Variants in PPP2R5A observed in about 807,000 individuals in gnomAD.
PPP2R5A encodes serine/threonine-protein phosphatase 2A 56 kDa regulatory subunit alpha isoform.
A neutral mutation model predicts 64.2 loss-of-function variants in PPP2R5A; 25 were observed. The observed-to-expected ratio is 0.39, with a 90% CI of 0.28 to 0.54. The LOEUF (loss-of-function observed/expected upper bound fraction) is 0.54. Ranked by LOEUF, PPP2R5A falls within the 20% of genes least tolerant of loss-of-function variation. The pLI is 0.67. For synonymous variants in PPP2R5A, 198 were observed against 201.2 expected, an observed-to-expected ratio of 0.98 and a Z score of 0.13; for missense variants, 425 against 576.3, an observed-to-expected ratio of 0.74 and a Z score of 2.69.
intron 1 of PPP2R5A, among the ~76,000 whole-genome samples, chr1:212,316,070 A>C (rs1362234193): frequency 6.6e-6 from 1 of 152,176 alleles, no homozygotes; most frequent in Non-Finnish European, 1.5e-5. Flanking sequence ...CTATTCCCTG[A>C]GACACAACAA....
At chr1:212,335,589 C>T (rs969120936) in intron 3 of PPP2R5A, among the ~76,000 whole-genome samples, 7 of 152,092 alleles carry the variant, frequency 4.6e-5, no homozygotes, top group Admixed American at 2.6e-4. Context: ...CTGTGTAGCA[C>T]CTATACATCC....
intron 2 of PPP2R5A, among the ~76,000 whole-genome samples, chr1:212,332,561 G>A (rs1236790313): frequency 6.6e-6 from 1 of 152,120 alleles, no homozygotes; most frequent in African/African-American, 2.4e-5. Context: ...CCTGATTTCA[G>A]GGTGGTTAAT....
intron 12 of PPP2R5A, among the ~76,000 whole-genome samples, chr1:212,359,107 T>A (rs58896823): frequency 0.014 from 2,177 of 152,352 alleles, 51 homozygotes; most frequent in African/African-American, 0.048. Context: ...ATTCTGAGCC[T>A]TAGATTTCCT....
chr1:212,360,321 T>G (rs932929128), intron 12 of PPP2R5A, among the ~76,000 whole-genome samples: 2 of 152,320 alleles, frequency 1.3e-5, no homozygotes, highest in South Asian at 2.1e-4. Context: ...CTACTACAAC[T>G]GCAAGATGTT....
intron 1 of PPP2R5A, among the ~76,000 whole-genome samples, chr1:212,323,018 CCT>C (rs1659339084): frequency 6.6e-6 from 1 of 152,160 alleles, no homozygotes; most frequent in Non-Finnish European, 1.5e-5. Context: ...GATCTCCTGA[CCT>C]CGTGATCTGC....
intron 8 of PPP2R5A, among the ~76,000 whole-genome samples, chr1:212,351,098 G>GAC (rs1308328707): frequency 6.6e-5 from 7 of 105,822 alleles, no homozygotes; most frequent in Admixed American, 2.7e-4. Context: ...GAGCCGAGAT[G>GAC]ACACAAAAAA....
chr1:212,350,558 G>A (rs1160470570), intron 8 of PPP2R5A, among the ~76,000 whole-genome samples: 1 of 151,772 alleles, frequency 6.6e-6, no homozygotes, highest in African/African-American at 2.4e-5. Context: ...GATGGCAAGG[G>A]CACAAGAATT....
chr1:212,305,316 C>T (rs1003791459), intron 1 of PPP2R5A, among the ~76,000 whole-genome samples: 2 of 152,074 alleles, frequency 1.3e-5, no homozygotes, highest in African/African-American at 4.8e-5. Flanking sequence ...AGCCACCGCG[C>T]CCGGCTCCAG....
intron 1 of PPP2R5A, among the ~76,000 whole-genome samples, chr1:212,322,284 G>A: frequency 1.4e-5 from 2 of 147,134 alleles, no homozygotes; most frequent in Non-Finnish European, 3.0e-5. Context: ...GGGAGAGGAG[G>A]GAGAGGGAGA....
chr1:212,350,549 A>G (rs1659857408), intron 8 of PPP2R5A, among the ~76,000 whole-genome samples: 1 of 151,438 alleles, frequency 6.6e-6, no homozygotes, highest in Non-Finnish European at 1.5e-5. Context: ...AGCTACTCAG[A>G]TGGCAAGGGC....
In PPP2R5A at chr1:212,286,221, C is replaced by T. The variant is rs554814735; in HGVS notation, c.111C>T (p.Arg37=). The part of the protein sequence containing the change: ...KSVRKAQRQK[R]SQGSSQFRSQ... ...TCCGCAAGGCGCAGAGGCAGAAGCG[C>T]TCCCAGGGCTCGTCGCAGTTTCGCA... Residue 37 remains arginine, a synonymous_variant, in exon 1 of 13, where the codon CGC becomes CGT. Transcript: ENST00000261461. 6.4e-7 allele frequency: 1 copy of T among 1,569,494 alleles called. No individual in the cohort carries two copies.
chr1:212,358,417 G>T (rs1660021434), intron 11 of PPP2R5A: 1 of 212,098 alleles, frequency 4.7e-6, no homozygotes, highest in East Asian at 9.9e-5. Flanking sequence ...CTGTAAAGCA[G>T]AAATGAAGAT....
rs369666345 is a variant in PPP2R5A at position 212,360,587 on chromosome 1, C to T, written c.1329-51C>T. On this transcript the variant is annotated intron_variant, in intron 12 of 12. Coordinates refer to ENST00000261461, the MANE Select transcript of PPP2R5A (RefSeq NM_006243.4). ...CAGTAAGCTGTCAAACAGCACCTCT[C>T]TTTGGGTTCTGAAATAATTTCTGAT... The T allele has an allele frequency of 1.2e-5, 17 of 1,440,648 alleles. No homozygotes were observed. In the African/African-American group the frequency reaches 2.5e-4, roughly 21 times the overall value. 89.2% of individuals were successfully genotyped at this position (1,440,648 alleles called of 1,614,324 possible).
intron 4 of PPP2R5A, 64 bp from the exon 5 acceptor site, chr1:212,345,738 CA>C: frequency 6.6e-7 from 1 of 1,509,394 alleles, no homozygotes; most frequent in African/African-American, 1.4e-5. Context: ...TCTTTAAGAT[CA>C]AAATTAGAAT....
chr1:212,293,793 G>A (rs138869328), intron 1 of PPP2R5A, among the ~76,000 whole-genome samples: 24 of 151,908 alleles, frequency 1.6e-4, no homozygotes, highest in African/African-American at 5.6e-4. Flanking sequence ...GCTAATTGCC[G>A]CTACTATATA....
At chr1:212,350,374 A>G (rs2921128) in intron 8 of PPP2R5A, among the ~76,000 whole-genome samples, 124,800 of 152,216 alleles carry the variant, frequency 0.82, 51,685 homozygotes, top group African/African-American at 0.95. Context: ...GTTGATTCCC[A>G]GGTGTGCAGT....
chr1:212,351,102 C>CAAAAAAA (rs58625826), intron 8 of PPP2R5A, among the ~76,000 whole-genome samples: 15 of 103,778 alleles, frequency 1.4e-4, no homozygotes, highest in Non-Finnish European at 2.6e-4. Flanking sequence ...CGAGATGACA[C>CAAAAAAA]AAAAAAAAAA....
intron 1 of PPP2R5A, among the ~76,000 whole-genome samples, chr1:212,286,523 C>T (rs1658506103): frequency 6.6e-6 from 1 of 152,198 alleles, no homozygotes; most frequent in Admixed American, 6.5e-5. Flanking sequence ...CTCTTTCCAT[C>T]CTAGGGGAGG....
At position 212,294,614 on chromosome 1, in the gene PPP2R5A, T is replaced by G. The variant is rs576744679; in HGVS notation, c.181+8323T>G. 2.6e-5 allele frequency among the ~76,000 whole-genome samples: 4 copies of G among 152,282 alleles called. No individual in the cohort carries two copies. In the South Asian group the frequency reaches 8.3e-4, roughly 32 times the overall value. On this transcript the variant is annotated intron_variant, in intron 1 of 12. Coordinates refer to ENST00000261461, the MANE Select transcript of PPP2R5A (RefSeq NM_006243.4). ...TTTGGTTTTCCATAGTGCATAAAAT[T>G]TTGGTGAACCGCTGCAGAGATTAAA...
Sources: gnomAD v4.1 joint callset for allele counts (sites outside exome capture counted in the v4.1 genomes callset) on GRCh38, gnomAD v4.1.1 for gene constraint, MANE v1.5 for transcripts, NCBI Gene and HGNC (gene_info 2026-07-23, HGNC 2026-07-21) for gene names.